Variants in APBA1 observed in about 807,000 individuals in gnomAD.
APBA1 encodes the protein amyloid-beta A4 precursor protein-binding family A member 1.
Under a neutral mutation model 86.6 loss-of-function variants are expected in APBA1, and 55 were observed. The ratio of observed to expected loss-of-function variants is 0.64; its 90% confidence interval spans 0.51 to 0.80. APBA1 has a LOEUF of 0.80. Ranked by LOEUF, APBA1 falls within the 30% of genes least tolerant of loss-of-function variation. The pLI, the probability that APBA1 is intolerant of heterozygous loss-of-function variation, is 0.00. For synonymous variants in APBA1, 511 were observed against 493.9 expected, an observed-to-expected ratio of 1.03 and a Z score of -0.46; for missense variants, 1,090 against 1,183.0, an observed-to-expected ratio of 0.92 and a Z score of 1.15.
intron 2 of APBA1, among the ~76,000 whole-genome samples, chr9:69,492,811 C>A (rs1395679562): frequency 6.6e-6 from 1 of 152,076 alleles, no homozygotes; most frequent in Non-Finnish European, 1.5e-5. Flanking sequence ...CCCAGCAAGC[C>A]CTAGCCAACT....
chr9:69,616,695 G>A (rs1822707580), intron 1 of APBA1, among the ~76,000 whole-genome samples: 1 of 152,118 alleles, frequency 6.6e-6, no homozygotes, highest in South Asian at 2.1e-4. Flanking sequence ...TAGCTAAAAG[G>A]ATCTTGACAC....
chr9:69,581,969 T>A (rs925642689), intron 1 of APBA1, among the ~76,000 whole-genome samples: 5 of 152,154 alleles, frequency 3.3e-5, no homozygotes, highest in Non-Finnish European at 7.4e-5. Context: ...CCAAGGCCAA[T>A]GTGTTAAGTG....
At chr9:69,571,923 C>A (rs1439722339) in intron 1 of APBA1, among the ~76,000 whole-genome samples, 1 of 152,152 alleles carries the variant, frequency 6.6e-6, no homozygotes, top group Non-Finnish European at 1.5e-5. Flanking sequence ...CAGGGCAGAG[C>A]TAAGGGCACA....
At chr9:69,497,341 G>A (rs1005697777) in intron 2 of APBA1, among the ~76,000 whole-genome samples, 4 of 151,946 alleles carry the variant, frequency 2.6e-5, no homozygotes, top group African/African-American at 9.7e-5. Context: ...ACTCTCCTGT[G>A]CGGCTCCCCT....
At chr9:69,557,739 C>T (rs1182100346) in intron 1 of APBA1, among the ~76,000 whole-genome samples, 2 of 152,194 alleles carry the variant, frequency 1.3e-5, no homozygotes, top group African/African-American at 4.8e-5. Flanking sequence ...TTGCTTTCGC[C>T]TTAAGAAGGT....
intron 1 of APBA1, among the ~76,000 whole-genome samples, chr9:69,658,268 C>CTTTTTTCTTTCTTTCTT: frequency 1.1e-5 from 1 of 88,408 alleles, no homozygotes; most frequent in Non-Finnish European, 2.3e-5. Context: ...TTCTTTCTTT[C>CTTTTTTCTTTCTTTCTT]TTTCTTTCTT....
intron 1 of APBA1, among the ~76,000 whole-genome samples, chr9:69,580,734 A>C (rs1329774734): frequency 6.6e-6 from 1 of 152,198 alleles, no homozygotes; most frequent in African/African-American, 2.4e-5. Context: ...ACGGTGTTCC[A>C]CATGACACAT....
rs1564073122 is a variant in APBA1, at chr9:69,546,022, ATG to A, written c.-69-28745_-69-28744del. Among the ~76,000 whole-genome samples the A allele has an allele frequency of 2.6e-5, 4 of 152,244 alleles. No individual in the cohort carries two copies. In the East Asian group the frequency reaches 7.7e-4, roughly 29 times the overall value. Reference sequence around the variant, plus strand: ...CATAAGTTTATAAATTTTCTAAAGTATGACAAACTTTGAAATTATACAAGATA... The same window carrying A: ...CATAAGTTTATAAATTTTCTAAAGTAACAAACTTTGAAATTATACAAGATA... On this transcript the variant is annotated intron_variant, in intron 1 of 12. Coordinates refer to ENST00000265381, the MANE Select transcript of APBA1 (RefSeq NM_001163.4).
chr9:69,601,774 TCAAA>T (rs1822353998), intron 1 of APBA1, among the ~76,000 whole-genome samples: 1 of 152,206 alleles, frequency 6.6e-6, no homozygotes, highest in Admixed American at 6.5e-5. Context: ...AGTGCTTGAA[TCAAA>T]CAATCTCAAT....
intron 1 of APBA1, among the ~76,000 whole-genome samples, chr9:69,556,650 T>C (rs892117056): frequency 1.3e-5 from 2 of 152,212 alleles, no homozygotes; most frequent in African/African-American, 4.8e-5. Flanking sequence ...GGCTCTTTAA[T>C]TATATTGTAA....
intron 2 of APBA1, among the ~76,000 whole-genome samples, chr9:69,506,121 G>A (rs1835958814): frequency 1.3e-5 from 2 of 151,952 alleles, no homozygotes. Context: ...CGACACAGAA[G>A]AAGACGGGTG....
chr9:69,477,105 G>C (rs1352856300), intron 2 of APBA1, among the ~76,000 whole-genome samples: 2 of 152,184 alleles, frequency 1.3e-5, no homozygotes, highest in Non-Finnish European at 2.9e-5. Flanking sequence ...TTCCACAGCA[G>C]GGGGCGGCGG....
chr9:69,486,984 T>C lies in APBA1; in HGVS notation c.1201-10841A>G, dbSNP rs1030099918. ...CCAAAAGATCTAAAGGAGTGAGAGA[T>C]TGAGTTACCACTCTCGCCCCTTGGA... On this transcript the variant is annotated intron_variant, in intron 2 of 12. Transcript: ENST00000265381. 1.2e-3 allele frequency among the ~76,000 whole-genome samples: 185 copies of C among 152,046 alleles called. 2 individuals are homozygous for C. Among genetic ancestry groups the C allele is most frequent in the African/African-American group, 4.1e-3 (172 of 41,458 alleles).
At chr9:69,446,875 G>A (rs1386671058) in intron 10 of APBA1, among the ~76,000 whole-genome samples, 2 of 152,176 alleles carry the variant, frequency 1.3e-5, no homozygotes, top group Admixed American at 1.3e-4. Flanking sequence ...GCTTGTTCCT[G>A]CCCAGGCCCC....
intron 8 of APBA1, among the ~76,000 whole-genome samples, chr9:69,452,847 C>T (rs542741547): frequency 9.9e-5 from 15 of 152,226 alleles, no homozygotes; most frequent in South Asian, 2.1e-4. Context: ...TCAACATCAG[C>T]GCTGCTGTGA....
chr9:69,632,587 TC>T (rs1019492005), intron 1 of APBA1, among the ~76,000 whole-genome samples: 1 of 152,140 alleles, frequency 6.6e-6, no homozygotes, highest in Non-Finnish European at 1.5e-5. Flanking sequence ...TTACAACAGT[TC>T]CTGGTACAAT....
At position 69,516,522 on chromosome 9, in the gene APBA1, G is replaced by C; in HGVS notation, c.689C>G (p.Ala230Gly). 1 of 1,595,196 alleles carries C rather than the reference G, an allele frequency of 6.3e-7. No homozygotes were observed. The highest frequency in any genetic ancestry group is 8.5e-7 in the Non-Finnish European group (1 of 1,176,518). The change falls in exon 2 of 13, where the codon GCC (alanine) becomes GGC (glycine). Residue 230 changes from alanine to glycine, a missense_variant. Ala to Gly is a moderately conservative substitution (Grantham distance 60). Around this residue, in one of 6 missense-constraint regions of APBA1, gnomAD observed 678 missense variants for 647.1 expected, o/e 1.05. Transcript: ENST00000265381. This position sits in a 1 kb window ranked among gnomAD's most constrained non-coding sequence, Gnocchi z 7.3. ...GTAATGGTGCAGCCGCGCGCCCAGG[G>C]CCTCCTGGCGGTACGCGGCCGCCTC... ...RDEAAAYRQE[A>G]LGARLHHYDE...
intron 1 of APBA1, among the ~76,000 whole-genome samples, chr9:69,564,173 A>G (rs1836990464): frequency 6.6e-6 from 1 of 152,156 alleles, no homozygotes; most frequent in Non-Finnish European, 1.5e-5. Flanking sequence ...TGGAACTCAT[A>G]CCCAAATGCA....
At chr9:69,523,641 A>G (rs1836299669) in intron 1 of APBA1, among the ~76,000 whole-genome samples, 1 of 151,138 alleles carries the variant, frequency 6.6e-6, no homozygotes. Context: ...GGGGACTTCA[A>G]CACCCCACTA....
Sources: gnomAD v4.1 joint callset for allele counts (sites outside exome capture counted in the v4.1 genomes callset) on GRCh38, gnomAD v4.1.1 for gene constraint, gnomAD v4.1.1 regional missense constraint, Gnocchi (gnomAD v3.1) non-coding constraint, MANE v1.5 for transcripts, NCBI Gene and HGNC (gene_info 2026-07-23, HGNC 2026-07-21) for gene names.